Variants in CCDC3 observed in about 807,000 individuals in gnomAD.
CCDC3 encodes the protein coiled-coil domain containing 3, also known as coiled-coil domain-containing protein 3.
A neutral mutation model predicts 21.4 loss-of-function variants in CCDC3; 24 were observed. The observed-to-expected ratio is 1.12, with a 90% CI of 0.81 to 1.58. CCDC3 has a LOEUF of 1.58. Ranked by LOEUF, CCDC3 falls within the 40% of genes most tolerant of loss-of-function variation. The pLI is 0.00. For synonymous variants in CCDC3, 186 were observed against 166.0 expected (o/e 1.12, Z -0.93); for missense variants, 425 against 360.9 (o/e 1.18, Z -1.44).
At chr10:12,938,522 G>A (rs1589014029) in intron 2 of CCDC3, among the ~76,000 whole-genome samples, 1 of 152,202 alleles carries the variant, frequency 6.6e-6, no homozygotes, top group Non-Finnish European at 1.5e-5. Flanking sequence ...TGATGCCTGG[G>A]TACGAATCCC....
intron 4 of CCDC3, among the ~76,000 whole-genome samples, chr10:13,051,306 C>G (rs368764462): frequency 6.6e-6 from 1 of 152,308 alleles, no homozygotes; most frequent in East Asian, 1.9e-4. Flanking sequence ...CTAACACCCA[C>G]GACCCTAGGC....
intron 2 of CCDC3, among the ~76,000 whole-genome samples, chr10:12,991,021 T>A (rs1315491336): frequency 6.6e-6 from 1 of 152,170 alleles, no homozygotes; most frequent in Non-Finnish European, 1.5e-5. Context: ...AAGCTACACT[T>A]CTCCATCTCT....
chr10:12,924,885 G>GA (rs1834510460), intron 2 of CCDC3: 1 of 152,140 alleles, frequency 6.6e-6, no homozygotes. Context: ...GAGGGACAGT[G>GA]AAAAAAGAAT....
chr10:13,018,994 G>A (rs1200301345), intron 5 of CCDC3, among the ~76,000 whole-genome samples: 1 of 152,008 alleles, frequency 6.6e-6, no homozygotes, highest in Non-Finnish European at 1.5e-5. Flanking sequence ...AGCACTTTGG[G>A]AGGCCGAGGC....
chr10:13,045,615 C>G (rs1836515390), intron 5 of CCDC3, among the ~76,000 whole-genome samples: 1 of 152,022 alleles, frequency 6.6e-6, no homozygotes, highest in African/African-American at 2.4e-5. Flanking sequence ...AAGACTCTGC[C>G]TCAAAACAAA....
At chr10:12,916,586 C>T (rs556971335) in intron 2 of CCDC3, among the ~76,000 whole-genome samples, 1 of 150,168 alleles carries the variant, frequency 6.7e-6, no homozygotes, top group South Asian at 2.1e-4. Context: ...CGCCACTGCA[C>T]TCCAGCCTGG....
chr10:12,919,335 A>G (rs1363658682), intron 2 of CCDC3, among the ~76,000 whole-genome samples: 2 of 152,052 alleles, frequency 1.3e-5, no homozygotes, highest in Non-Finnish European at 2.9e-5. Flanking sequence ...CACGCCTGTA[A>G]TCCCAGCACT....
chr10:12,962,047 T>C (rs1029551576), intron 2 of CCDC3, among the ~76,000 whole-genome samples: 7 of 152,126 alleles, frequency 4.6e-5, no homozygotes, highest in Admixed American at 2.0e-4. Flanking sequence ...TCTGAAAAGA[T>C]TGAAAGTAAG....
chr10:13,042,698 G>T (rs1160337422), intron 5 of CCDC3, among the ~76,000 whole-genome samples: 1 of 151,656 alleles, frequency 6.6e-6, no homozygotes, highest in African/African-American at 2.4e-5. Context: ...CACGAGGTCA[G>T]GAGATCGAGA....
At chr10:13,082,527 T>C (rs1177100894) in intron 3 of CCDC3, among the ~76,000 whole-genome samples, 1 of 152,212 alleles carries the variant, frequency 6.6e-6, no homozygotes, top group Non-Finnish European at 1.5e-5. Flanking sequence ...GCCTGTCTGA[T>C]GTCAGGCCTT....
chr10:12,902,032 G>A (rs1332790070), intron 2 of CCDC3, among the ~76,000 whole-genome samples: 2 of 152,098 alleles, frequency 1.3e-5, no homozygotes, highest in Non-Finnish European at 2.9e-5. Flanking sequence ...AGTCTCCATG[G>A]CACGCCGTAG....
chr10:12,969,555 C>A (rs1034700600), intron 2 of CCDC3, among the ~76,000 whole-genome samples: 1 of 151,152 alleles, frequency 6.6e-6, no homozygotes, highest in Non-Finnish European at 1.5e-5. Context: ...GGGTACATAT[C>A]CAAAGGATAT....
At chr10:12,923,296 T>C (rs1737522568) in intron 2 of CCDC3, among the ~76,000 whole-genome samples, 2 of 152,218 alleles carry the variant, frequency 1.3e-5, no homozygotes, top group African/African-American at 2.4e-5. Context: ...CGCCATGAGA[T>C]AGACGGTCCT....
chr10:13,068,709 G>C (rs181159002), intron 4 of CCDC3, among the ~76,000 whole-genome samples: 2 of 152,074 alleles, frequency 1.3e-5, no homozygotes, highest in Non-Finnish European at 1.5e-5. Context: ...CCTTGGCTGC[G>C]ACTTGTACAT....
chr10:12,976,581 G>T (rs184223534), intron 2 of CCDC3, among the ~76,000 whole-genome samples: 56 of 152,336 alleles, frequency 3.7e-4, no homozygotes, highest in African/African-American at 1.2e-3. Flanking sequence ...TCTGATCCAT[G>T]AACCTACTTT....
chr10:12,910,597 AAAAAAAAAAAAAAATT>A (rs929721492), intron 2 of CCDC3, among the ~76,000 whole-genome samples: 161 of 102,662 alleles, frequency 1.6e-3, no homozygotes, highest in Non-Finnish European at 2.8e-3. Context: ...GTCAGAGCAA[AAAAAAAAAAAAAAATT>A]TTTTTTTTTT....
chr10:13,015,498 T>C (rs1836045053), intron 5 of CCDC3, among the ~76,000 whole-genome samples: 1 of 152,094 alleles, frequency 6.6e-6, no homozygotes, highest in Admixed American at 6.6e-5. Flanking sequence ...GTTAGTGTGC[T>C]GAGGATGCCA....
intron 2 of CCDC3, among the ~76,000 whole-genome samples, chr10:12,982,786 C>A (rs1291513840): frequency 2.2e-5 from 2 of 90,148 alleles, no homozygotes; most frequent in African/African-American, 9.1e-5. Flanking sequence ...GAGCAAGACT[C>A]TGTCTCAAAA....
chr10:13,043,185 G>A (rs994973585), intron 5 of CCDC3, among the ~76,000 whole-genome samples: 1 of 152,166 alleles, frequency 6.6e-6, no homozygotes, highest in African/African-American at 2.4e-5. Context: ...AGTAAGCACA[G>A]TACTCAATAG....
Sources: allele counts gnomAD v4.1 joint callset (sites outside exome capture counted in the v4.1 genomes callset), GRCh38; gene constraint gnomAD v4.1.1; transcripts MANE v1.5; gene names NCBI Gene and HGNC (gene_info 2026-07-23, HGNC 2026-07-21).